Variants in NFKB1 observed in about 807,000 individuals in gnomAD.
NFKB1 encodes nuclear factor kappa B subunit 1.
NFKB1 carries 9 observed loss-of-function variants against 105.1 expected under a neutral mutation model. The ratio of observed to expected loss-of-function variants is 0.09; its 90% confidence interval spans 0.05 to 0.15. NFKB1 has a LOEUF of 0.15. Among genes scored for constraint, NFKB1 ranks in the 10% least tolerant of loss-of-function variants. The pLI, the probability that NFKB1 is intolerant of heterozygous loss-of-function variation, is 1.00. For synonymous variants in NFKB1, 440 were observed against 442.2 expected (o/e 1.00, Z 0.06); for missense variants, 830 against 1,203.7 (o/e 0.69, Z 4.59).
At chr4:102,569,020 G>A (rs1048385154) in intron 6 of NFKB1, among the ~76,000 whole-genome samples, 3 of 152,128 alleles carry the variant, frequency 2.0e-5, no homozygotes, top group African/African-American at 2.4e-5. Flanking sequence ...TAGTCTTAAC[G>A]TTTTTAGTGT....
chr4:102,507,283 C>T (rs59846795), intron 1 of NFKB1, among the ~76,000 whole-genome samples: 1,784 of 152,094 alleles, frequency 0.012, 35 homozygotes, highest in African/African-American at 0.041. Flanking sequence ...TGTTCCCTTA[C>T]GAGTTCAGTC....
intron 19 of NFKB1, among the ~76,000 whole-genome samples, chr4:102,609,813 T>C (rs1266437716): frequency 1.3e-5 from 2 of 152,118 alleles, no homozygotes; most frequent in African/African-American, 4.8e-5. Context: ...ATTATTGATA[T>C]TGACCCATCT....
chr4:102,565,015 C>A (rs1235939828), intron 5 of NFKB1, among the ~76,000 whole-genome samples: 1 of 152,144 alleles, frequency 6.6e-6, no homozygotes, highest in Non-Finnish European at 1.5e-5. Context: ...TAGAGAGTAT[C>A]TAGGGACAGC....
At position 102,529,869 on chromosome 4, in the gene NFKB1, A is replaced by G. The variant is rs778867861; in HGVS notation, c.73A>G (p.Ile25Val). Residue 25 changes from isoleucine to valine, a missense_variant, in exon 3 of 24, where the codon ATA becomes GTA. Coordinates refer to ENST00000226574, the MANE Select transcript of NFKB1 (RefSeq NM_003998.4). ...FHLDPSLTHT[I>V]FNPEVFQPQM... ...TTTGGATCCTTCTTTGACTCATACA[A>G]TATTTAATCCAGAAGTATTTCAACC... The G allele has an allele frequency of 6.2e-6, 10 of 1,610,002 alleles. No homozygotes were observed. Among genetic ancestry groups the G allele is most frequent in the Middle Eastern group, 1.6e-4 (1 of 6,074 alleles).
At chr4:102,614,401 C>T (rs1206274474) in intron 23 of NFKB1, among the ~76,000 whole-genome samples, 1 of 152,206 alleles carries the variant, frequency 6.6e-6, no homozygotes, top group Non-Finnish European at 1.5e-5. Flanking sequence ...GGTCACCTAG[C>T]AAGCATTTCA....
chr4:102,536,572 A>G (rs1003781399), intron 4 of NFKB1, among the ~76,000 whole-genome samples: 4 of 152,192 alleles, frequency 2.6e-5, no homozygotes, highest in African/African-American at 4.8e-5. Context: ...GCAAGACCCT[A>G]CTTGGCATAA....
At chr4:102,600,050 G>A (rs939681815) in intron 15 of NFKB1, among the ~76,000 whole-genome samples, 1 of 152,210 alleles carries the variant, frequency 6.6e-6, no homozygotes, top group Non-Finnish European at 1.5e-5. Context: ...GACTCAGACA[G>A]AACCTGCCCC....
At chr4:102,602,383 A>G (rs1199897617) in intron 16 of NFKB1, among the ~76,000 whole-genome samples, 1 of 151,358 alleles carries the variant, frequency 6.6e-6, no homozygotes, top group Non-Finnish European at 1.5e-5. Flanking sequence ...ACAAAAAAAA[A>G]AAAAAAATTA....
chr4:102,545,258 A>G (rs564767941), intron 5 of NFKB1, among the ~76,000 whole-genome samples: 8 of 152,122 alleles, frequency 5.3e-5, no homozygotes, highest in Non-Finnish European at 1.2e-4. Context: ...TGGATTCCAA[A>G]TAAGAAGCCT....
At chr4:102,557,656 A>G (rs566662562) in intron 5 of NFKB1, among the ~76,000 whole-genome samples, 2 of 152,332 alleles carry the variant, frequency 1.3e-5, no homozygotes, top group East Asian at 3.9e-4. Context: ...AAACAACAAA[A>G]TGAAGCATAG....
At chr4:102,573,090 C>T (rs1368451246) in intron 6 of NFKB1, among the ~76,000 whole-genome samples, 1 of 152,122 alleles carries the variant, frequency 6.6e-6, no homozygotes, top group Non-Finnish European at 1.5e-5. Flanking sequence ...GGGCAGGTCA[C>T]CTGAGGTCAG....
At position 102,607,289 on chromosome 4, in the gene NFKB1, C is replaced by T; in HGVS notation, c.2094C>T (p.Asn698=). 6.2e-7 allele frequency: 1 copy of T among 1,613,412 alleles called. No individual in the cohort carries two copies. The highest frequency in any genetic ancestry group is 8.5e-7 in the Non-Finnish European group (1 of 1,179,320). Residue 698 remains asparagine (N), a synonymous_variant, in exon 18 of 24, where the codon AAC becomes AAT. Coordinates refer to ENST00000226574, the MANE Select transcript of NFKB1 (RefSeq NM_003998.4). ...TGCACCTGGCTGTGGAGCACGACAA[C>T]ATCTCATTGGCAGGCTGCCTGCTCC... ...TALHLAVEHD[N]ISLAGCLLLE...
At chr4:102,566,393 G>C (rs1723871753) in intron 5 of NFKB1, among the ~76,000 whole-genome samples, 1 of 152,158 alleles carries the variant, frequency 6.6e-6, no homozygotes, top group South Asian at 2.1e-4. Flanking sequence ...ATTATCAGAA[G>C]TCAGAGAGGG....
chr4:102,533,803 TCA>T (rs1240471756), intron 3 of NFKB1, 40 bp from the exon 4 acceptor site: 1 of 1,565,956 alleles, frequency 6.4e-7, no homozygotes, highest in Non-Finnish European at 8.7e-7. Context: ...TTGAGAAGCC[TCA>T]CAGTTTCTTT....
At chr4:102,578,132 CCTCTT>C (rs1166682032) in intron 7 of NFKB1, 1 of 280,658 alleles carries the variant, frequency 3.6e-6, no homozygotes, top group Non-Finnish European at 5.4e-6. Flanking sequence ...TTTGCTCTCT[CCTCTT>C]CCTGGAATGC....
intron 5 of NFKB1, among the ~76,000 whole-genome samples, chr4:102,563,980 G>A (rs185907753): frequency 7.9e-5 from 12 of 151,916 alleles, no homozygotes; most frequent in African/African-American, 2.7e-4. Context: ...CACCATGCCC[G>A]GCTAATATTT....
chr4:102,505,850 G>A (rs527791851), intron 1 of NFKB1, among the ~76,000 whole-genome samples: 1 of 151,998 alleles, frequency 6.6e-6, no homozygotes, highest in Non-Finnish European at 1.5e-5. Flanking sequence ...ACTGTTAAAT[G>A]AATGAATGAT....
chr4:102,585,915 G>T (rs772322569), intron 11 of NFKB1, among the ~76,000 whole-genome samples: 1 of 152,142 alleles, frequency 6.6e-6, no homozygotes. Context: ...TGTTCTGAGC[G>T]CTCGGATGGA....
chr4:102,518,309 G>A (rs1027221088), intron 1 of NFKB1, among the ~76,000 whole-genome samples: 5 of 152,158 alleles, frequency 3.3e-5, no homozygotes, highest in African/African-American at 1.2e-4. Flanking sequence ...CACTCTGAAA[G>A]TTTTAACAGT....
Sources: gnomAD v4.1 joint callset for allele counts (sites outside exome capture counted in the v4.1 genomes callset) on GRCh38, gnomAD v4.1.1 for gene constraint, MANE v1.5 for transcripts, NCBI Gene and HGNC (gene_info 2026-07-23, HGNC 2026-07-21) for gene names.